ADCY9: variants seen among roughly 807,000 people sequenced by gnomAD.
ADCY9 encodes the protein adenylate cyclase 9.
ADCY9 carries 50 observed loss-of-function variants against 101.5 expected under a neutral mutation model. The observed-to-expected ratio is 0.49, with a 90% CI of 0.39 to 0.62. The LOEUF (loss-of-function observed/expected upper bound fraction) is 0.62, where lower values mean the gene tolerates loss of function less well. Among genes scored for constraint, ADCY9 ranks in the 20% least tolerant of loss-of-function variants. The pLI, the probability that ADCY9 is intolerant of heterozygous loss-of-function variation, is 0.00. For missense variants in ADCY9, 1,662 were observed against 1,800.4 expected (o/e 0.92, Z 1.39); for synonymous variants, 905 against 769.3 (o/e 1.18, Z -2.92).
Position 3,969,614 on chromosome 16 carries a change from T to TATATATATACGTA in ADCY9, c.2871-2649_2871-2648insTACGTATATATAT, listed in dbSNP as rs1567414929. On this transcript the variant is annotated intron_variant, in intron 10 of 10. Coordinates refer to ENST00000294016, the MANE Select transcript of ADCY9 (RefSeq NM_001116.4). ...TATATATATATATATATATATGTAT[T>TATATATATACGTA]TTTTTTTTTTTTTAAGAAGAGACAG... Among the ~76,000 whole-genome samples the TATATATATACGTA allele has an allele frequency of 1.2e-3, 61 of 50,698 alleles. 6 individuals are homozygous for TATATATATACGTA. The highest frequency in any genetic ancestry group is 5.7e-3 in the East Asian group (7 of 1,218). The allele number at this position is 50,698 out of a possible 152,430, so 33.3% of individuals were successfully genotyped here.
Position 3,989,066 on chromosome 16 carries a change from G to A in ADCY9, c.2238C>T (p.Pro746=), listed in dbSNP as rs1473884283. 6.2e-7 allele frequency: 1 copy of A among 1,614,040 alleles called. No homozygotes were observed. Among genetic ancestry groups the A allele is most frequent in the Non-Finnish European group, 8.5e-7 (1 of 1,179,912 alleles). ...GGAAGTTCAGGCTGAACTGATTAAT[G>A]GGCGGCTTAAAAAAGTAATCTTTCA... The part of the protein sequence containing the change: ...SLMKDYFFKP[P]INQFSLNFLD... Residue 746 remains proline, a synonymous_variant, in exon 6 of 11, where the codon CCC becomes CCT. Coordinates refer to ENST00000294016, the MANE Select transcript of ADCY9 (RefSeq NM_001116.4).
intron 2 of ADCY9, among the ~76,000 whole-genome samples, chr16:4,083,020 G>T (rs144564434): frequency 6.6e-6 from 1 of 152,182 alleles, no homozygotes; most frequent in African/African-American, 2.4e-5. Context: ...CACAAGGGAA[G>T]ACATCTCCCA....
chr16:4,105,456 G>A (rs1486654237), intron 2 of ADCY9, among the ~76,000 whole-genome samples: 2 of 151,674 alleles, frequency 1.3e-5, no homozygotes, highest in Non-Finnish European at 2.9e-5. Flanking sequence ...CAGATCACTT[G>A]AGGCCAAGAT....
chr16:3,970,699 A>G (rs2056043498), intron 10 of ADCY9, among the ~76,000 whole-genome samples: 1 of 152,214 alleles, frequency 6.6e-6, no homozygotes, highest in Non-Finnish European at 1.5e-5. Flanking sequence ...AAAAACAATG[A>G]GCTTGACCTG....
chr16:4,020,064 C>A (rs1567440560), intron 2 of ADCY9, among the ~76,000 whole-genome samples: 1 of 151,390 alleles, frequency 6.6e-6, no homozygotes, highest in South Asian at 2.1e-4. Context: ...GGCAACACAG[C>A]AGACTCCATC....
At chr16:4,082,061 C>G (rs1244764412) in intron 2 of ADCY9, among the ~76,000 whole-genome samples, 1 of 152,050 alleles carries the variant, frequency 6.6e-6, no homozygotes, top group African/African-American at 2.4e-5. Context: ...CTAGAACAAG[C>G]AGCTACATTT....
chr16:4,037,463 C>T (rs537044135), intron 2 of ADCY9, among the ~76,000 whole-genome samples: 63 of 152,272 alleles, frequency 4.1e-4, no homozygotes, highest in African/African-American at 6.0e-4. Context: ...CCCATCCATT[C>T]GATGATGGCC....
intron 2 of ADCY9, among the ~76,000 whole-genome samples, chr16:4,051,147 A>G (rs1426381858): frequency 6.6e-6 from 1 of 152,052 alleles, no homozygotes; most frequent in Non-Finnish European, 1.5e-5. Flanking sequence ...CAGGAGGCAG[A>G]GGTTTCAGTG....
rs796262600 is a variant in ADCY9, at chr16:4,078,562, G to GA, written c.1693+35187dup. On this transcript the variant is annotated intron_variant, in intron 2 of 10. Transcript: ENST00000294016. ...AGAGTGAGACCCTGTCTCAAAAAAA[G>GA]AAAAAAAAAAAAGAAAACAAAAACA... 5.9e-3 allele frequency among the ~76,000 whole-genome samples: 385 copies of GA among 65,694 alleles called. 14 individuals carry two copies. The South Asian group carries it at 0.1, about 18-fold the overall frequency. The allele number at this position is 65,694 out of a possible 152,430, so 43.1% of individuals were successfully genotyped here.
chr16:4,097,714 T>G (rs1036661316), intron 2 of ADCY9, among the ~76,000 whole-genome samples: 1 of 150,912 alleles, frequency 6.6e-6, no homozygotes, highest in Admixed American at 6.6e-5. Context: ...GCCCAGCTGA[T>G]TTTTGTATTT....
At position 4,098,139 on chromosome 16, in the gene ADCY9, G is replaced by A. The variant is rs548683625; in HGVS notation, c.1693+15611C>T. On this transcript the variant is annotated intron_variant, in intron 2 of 10. Coordinates refer to ENST00000294016, the MANE Select transcript of ADCY9 (RefSeq NM_001116.4). Reference sequence around the variant, plus strand: ...TGGGCCTTCTGGAATGTTCCACAGCGGTCCTGAGGGATGGGGTTTGCTGGG... The same window carrying A: ...TGGGCCTTCTGGAATGTTCCACAGCAGTCCTGAGGGATGGGGTTTGCTGGG... Among the ~76,000 whole-genome samples the A allele has an allele frequency of 2.9e-4, 44 of 152,210 alleles. No homozygotes were observed. In the South Asian group the frequency reaches 6.6e-3, roughly 23 times the overall value.
intron 2 of ADCY9, among the ~76,000 whole-genome samples, chr16:4,111,409 G>A (rs893979827): frequency 4.6e-5 from 7 of 151,990 alleles, no homozygotes; most frequent in East Asian, 1.9e-4. Context: ...TCAGCCTCCC[G>A]TAATACCCAA....
chr16:4,005,992 G>A (rs1304760221), intron 3 of ADCY9, among the ~76,000 whole-genome samples: 1 of 152,140 alleles, frequency 6.6e-6, no homozygotes, highest in Non-Finnish European at 1.5e-5. Context: ...CCCAGGCAAG[G>A]CGGCTGTCTC....
chr16:3,963,207 AT>A lies in ADCY9; in HGVS notation c.*2567del. On this transcript the variant is annotated 3_prime_UTR_variant, in exon 11 of 11. Coordinates refer to ENST00000294016, the MANE Select transcript of ADCY9 (RefSeq NM_001116.4). Reference sequence around the variant, plus strand: ...ATAGCAATTGCAACTCAAAGCAACTATTTACACACATTCAATGCTGAAGTAT... The same window carrying A: ...ATAGCAATTGCAACTCAAAGCAACTATTACACACATTCAATGCTGAAGTAT... 2.6e-6 allele frequency: 1 copy of A among 380,082 alleles called. No homozygotes were observed. The highest frequency in any genetic ancestry group is 4.6e-6 in the Non-Finnish European group (1 of 216,352). The allele number at this position is 380,082 out of a possible 1,614,324, so 23.5% of individuals were successfully genotyped here. A position where few individuals can be genotyped will look rare whatever the true frequency, so the allele number is the denominator to read the frequency against.
intron 2 of ADCY9, among the ~76,000 whole-genome samples, chr16:4,110,172 C>T (rs1409479485): frequency 3.3e-5 from 5 of 152,292 alleles, no homozygotes; most frequent in South Asian, 2.1e-4. Context: ...AGGTCAGACG[C>T]GCCCCAAAGT....
chr16:3,969,610 G>A (rs28621914), intron 10 of ADCY9, among the ~76,000 whole-genome samples: 4,454 of 32,628 alleles, frequency 0.14, 242 homozygotes, highest in African/African-American at 0.2. Context: ...ATATATATAT[G>A]TATTTTTTTT....
At chr16:4,103,013 C>A (rs1025706399) in intron 2 of ADCY9, among the ~76,000 whole-genome samples, 8 of 152,162 alleles carry the variant, frequency 5.3e-5, no homozygotes, top group African/African-American at 1.9e-4. Context: ...CGAGCCATGG[C>A]CAGCTCGAAG....
intron 2 of ADCY9, among the ~76,000 whole-genome samples, chr16:4,058,083 C>G (rs996521596): frequency 6.6e-6 from 1 of 150,754 alleles, no homozygotes. Flanking sequence ...CGCTTGAACC[C>G]AGGAGGTGGA....
At chr16:4,084,845 C>T (rs1289542814) in intron 2 of ADCY9, among the ~76,000 whole-genome samples, 1 of 152,124 alleles carries the variant, frequency 6.6e-6, no homozygotes, top group Non-Finnish European at 1.5e-5. Context: ...CAACAAGGAA[C>T]GACCCATATT....
Sources: allele counts gnomAD v4.1 joint callset (sites outside exome capture counted in the v4.1 genomes callset), GRCh38; gene constraint gnomAD v4.1.1; transcripts MANE v1.5; gene names NCBI Gene and HGNC (gene_info 2026-07-23, HGNC 2026-07-21).